FAM107B: variants seen among roughly 807,000 people sequenced by gnomAD.
The protein encoded by FAM107B is protein FAM107B.
A neutral mutation model predicts 31.5 loss-of-function variants in FAM107B; 21 were observed. The observed-to-expected ratio is 0.67, with a 90% CI of 0.47 to 0.96. FAM107B has a LOEUF of 0.96. Ranked by LOEUF, FAM107B falls within the 40% of genes least tolerant of loss-of-function variation. The pLI, the probability that FAM107B is intolerant of heterozygous loss-of-function variation, is 0.00. For missense variants in FAM107B, 452 were observed against 377.1 expected (o/e 1.20, Z -1.64); for synonymous variants, 157 against 141.5 (o/e 1.11, Z -0.78).
intron 2 of FAM107B, chr10:14,553,326 A>C (rs1210465379): frequency 2.0e-5 from 25 of 1,267,198 alleles, no homozygotes; most frequent in Non-Finnish European, 2.6e-5. Context: ...ACTTACTAAA[A>C]TACTTTGTAA....
At chr10:14,685,153 T>TA (rs1854951926) in intron 1 of FAM107B, among the ~76,000 whole-genome samples, 1 of 149,852 alleles carries the variant, frequency 6.7e-6, no homozygotes, top group African/African-American at 2.5e-5. Flanking sequence ...TTTTTTTTTT[T>TA]TTTTTTTTTT....
chr10:14,628,112 G>GTTTTTTTTTGTTTTTTTT lies in FAM107B; in HGVS notation c.469+39521_469+39522insAAAAAAAACAAAAAAAAA, dbSNP rs58879328. Among the ~76,000 whole-genome samples, 279 of 92,656 alleles carry GTTTTTTTTTGTTTTTTTT rather than the reference G, an allele frequency of 3.0e-3. 25 individuals carry two copies. The highest frequency in any genetic ancestry group is 6.4e-3 in the Middle Eastern group (1 of 156). 60.8% of individuals were successfully genotyped at this position (92,656 alleles called of 152,430 possible). A position where few individuals can be genotyped will look rare whatever the true frequency, so the allele number is the denominator to read the frequency against. ...TCCTTGTTTGTTTTTTGTTTTGCTG[G>GTTTTTTTTTGTTTTTTTT]TTTTTTTTTTTTTTTTTTTTTGAGA... On this transcript the variant is annotated intron_variant, in intron 2 of 4. Coordinates refer to ENST00000181796, the MANE Select transcript of FAM107B (RefSeq NM_031453.4).
At chr10:14,574,489 C>T (rs927853920) in intron 2 of FAM107B, among the ~76,000 whole-genome samples, 7 of 152,246 alleles carry the variant, frequency 4.6e-5, no homozygotes, top group Non-Finnish European at 7.3e-5. Flanking sequence ...GGAGCTTCCA[C>T]CGTCACCCAA....
chr10:14,701,098 T>C lies in FAM107B; in HGVS notation c.412-33407A>G, dbSNP rs189295828. ...TTTTAAGCCACTTCTATTAAGACAT[T>C]TTTTAATGTCCTAATTTCACCTTAT... On this transcript the variant is annotated intron_variant, in intron 1 of 4. Transcript: ENST00000181796. 7.2e-5 allele frequency among the ~76,000 whole-genome samples: 11 copies of C among 152,280 alleles called. No homozygotes were observed. The East Asian group carries it at 2.1e-3, about 29-fold the overall frequency.
chr10:14,664,397 C>A (rs1399044159), intron 2 of FAM107B, among the ~76,000 whole-genome samples: 1 of 152,206 alleles, frequency 6.6e-6, no homozygotes, highest in Non-Finnish European at 1.5e-5. Flanking sequence ...CAGTCATGTG[C>A]CATGTAACAA....
intron 1 of FAM107B, among the ~76,000 whole-genome samples, chr10:14,768,370 A>T (rs1833228869): frequency 1.3e-5 from 2 of 152,256 alleles, no homozygotes; most frequent in Non-Finnish European, 2.9e-5. Context: ...ACAACATTGG[A>T]AGTCTCACAC....
chr10:14,558,279 GCACA>G (rs370814958), intron 2 of FAM107B, among the ~76,000 whole-genome samples: 1 of 148,440 alleles, frequency 6.7e-6, no homozygotes. Context: ...ATACGTGCAC[GCACA>G]CACACACATA....
chr10:14,723,990 T>G (rs1855973246), intron 1 of FAM107B: 1 of 771,318 alleles, frequency 1.3e-6, no homozygotes, highest in Admixed American at 1.7e-5. Context: ...CTAAGTGGGT[T>G]CCTGCTCCAA....
chr10:14,610,066 G>A (rs896825307), intron 2 of FAM107B, among the ~76,000 whole-genome samples: 7 of 152,324 alleles, frequency 4.6e-5, no homozygotes, highest in South Asian at 2.1e-4. Context: ...CATCTAGGCC[G>A]GGCACGGTGG....
chr10:14,604,955 T>C (rs1852551232), intron 2 of FAM107B, among the ~76,000 whole-genome samples: 1 of 152,122 alleles, frequency 6.6e-6, no homozygotes, highest in African/African-American at 2.4e-5. Flanking sequence ...TCTTATTCTG[T>C]CTCACACACA....
intron 1 of FAM107B, among the ~76,000 whole-genome samples, chr10:14,718,983 G>A (rs985691713): frequency 2.0e-5 from 3 of 152,188 alleles, no homozygotes; most frequent in Non-Finnish European, 2.9e-5. Context: ...TCAAAGAGAT[G>A]ATAGGACAGT....
intron 2 of FAM107B, among the ~76,000 whole-genome samples, chr10:14,556,733 G>A (rs1849735084): frequency 6.6e-6 from 1 of 152,218 alleles, no homozygotes; most frequent in Non-Finnish European, 1.5e-5. Context: ...AACAAATATA[G>A]CACCCAGGTT....
At chr10:14,543,078 T>C (rs1162522829) in intron 2 of FAM107B, among the ~76,000 whole-genome samples, 1 of 152,202 alleles carries the variant, frequency 6.6e-6, no homozygotes, top group Non-Finnish European at 1.5e-5. Flanking sequence ...ATTTGATAGA[T>C]GACTATTAAG....
intron 1 of FAM107B, among the ~76,000 whole-genome samples, chr10:14,699,851 C>T (rs967267882): frequency 2.0e-5 from 3 of 152,202 alleles, no homozygotes; most frequent in Non-Finnish European, 4.4e-5. Context: ...GTTAGTCTGG[C>T]GACAGATTAC....
chr10:14,641,915 T>C (rs989032274), intron 2 of FAM107B, among the ~76,000 whole-genome samples: 1 of 152,222 alleles, frequency 6.6e-6, no homozygotes, highest in African/African-American at 2.4e-5. Context: ...CAGCATCAAC[T>C]GTAATGTCTA....
chr10:14,548,446 G>T, intron 2 of FAM107B: 1 of 985,720 alleles, frequency 1.0e-6, no homozygotes, highest in Non-Finnish European at 1.2e-6. Flanking sequence ...GCACCTGGCT[G>T]CAAGTAGCTG....
intron 2 of FAM107B, among the ~76,000 whole-genome samples, chr10:14,625,359 T>C (rs1417775797): frequency 6.6e-6 from 1 of 152,110 alleles, no homozygotes; most frequent in Non-Finnish European, 1.5e-5. Flanking sequence ...TCATCCTTCG[T>C]TTCATCTTCT....
chr10:14,730,528 G>T (rs1374887955), intron 1 of FAM107B, among the ~76,000 whole-genome samples: 1 of 152,254 alleles, frequency 6.6e-6, no homozygotes, highest in African/African-American at 2.4e-5. Flanking sequence ...GGAGCTGAGA[G>T]AATGCAGAGA....
At chr10:14,613,654 C>T (rs933218408) in intron 2 of FAM107B, among the ~76,000 whole-genome samples, 1 of 152,132 alleles carries the variant, frequency 6.6e-6, no homozygotes, top group African/African-American at 2.4e-5. Flanking sequence ...CTGCCTGGCC[C>T]ACAGACACAC....
Sources: allele counts gnomAD v4.1 joint callset (sites outside exome capture counted in the v4.1 genomes callset), GRCh38; gene constraint gnomAD v4.1.1; transcripts MANE v1.5; gene names NCBI Gene and HGNC (gene_info 2026-07-23, HGNC 2026-07-21).